The following DIAPH3 variants were observed in gnomAD, a reference collection of about 807,000 sequenced individuals.
The protein encoded by DIAPH3 is protein diaphanous homolog 3.
In DIAPH3, 117 loss-of-function variants were observed where a neutral mutation model predicts 144.3. The observed-to-expected ratio is 0.81, with a 90% CI of 0.70 to 0.95. The LOEUF is 0.95. Ranked by LOEUF, DIAPH3 falls within the 40% of genes least tolerant of loss-of-function variation. DIAPH3 has a pLI of 0.00. For synonymous variants in DIAPH3, 519 were observed against 488.9 expected, an observed-to-expected ratio of 1.06 and a Z score of -0.81; for missense variants, 1,421 against 1,412.7, an observed-to-expected ratio of 1.01 and a Z score of -0.09.
intron 25 of DIAPH3, among the ~76,000 whole-genome samples, chr13:59,788,127 C>T (rs1338006625): frequency 1.3e-5 from 2 of 152,096 alleles, no homozygotes; most frequent in African/African-American, 4.8e-5. Context: ...TGATATAATC[C>T]TCAACCTCAT....
At chr13:59,756,457 G>C (rs1390000293) in intron 27 of DIAPH3, among the ~76,000 whole-genome samples, 1 of 145,578 alleles carries the variant, frequency 6.9e-6, no homozygotes, top group African/African-American at 2.5e-5. Context: ...AGGAAGGAAG[G>C]AAGGAAGGAA....
chr13:59,879,429 T>C lies in DIAPH3; in HGVS notation c.2407A>G (p.Ile803Val), dbSNP rs776272180. 1.2e-6 allele frequency: 2 copies of C among 1,613,834 alleles called. No homozygotes were observed. Among genetic ancestry groups the C allele is most frequent in the South Asian group, 1.1e-5 (1 of 91,080 alleles). ...VKRLRPRLSA[I>V]LFKLQFEEQV... ...TCTTCAAACTGAAGCTTAAAGAGAA[T>C]AGCACTGAGCCGTGGCCGTAGTCTC... Residue 803 changes from isoleucine to valine, a missense_variant, in exon 21 of 28, where the codon ATT (isoleucine) becomes GTT (valine). By Grantham distance (29) the Ile-to-Val change is conservative. Transcript: ENST00000400324.
In DIAPH3 at chr13:59,989,406, G is replaced by A. The variant is rs1290507496; in HGVS notation, c.1361+1752C>T. ...AATTTTTTTAAGAAATTTTTTTAAA[G>A]AAATATTAACAACAACAATAATAAA... On this transcript the variant is annotated intron_variant, in intron 12 of 27. Transcript: ENST00000400324. 2.6e-5 allele frequency among the ~76,000 whole-genome samples: 4 copies of A among 151,574 alleles called. No individual in the cohort carries two copies. In the East Asian group the frequency reaches 7.7e-4, roughly 29 times the overall value.
intron 27 of DIAPH3, among the ~76,000 whole-genome samples, chr13:59,747,444 G>C (rs536105039): frequency 4.0e-4 from 61 of 152,310 alleles, no homozygotes; most frequent in Non-Finnish European, 6.8e-4. Flanking sequence ...ATCATCATGA[G>C]ATGTAACTCC....
intron 13 of DIAPH3, 148 bp from the exon 14 acceptor site, chr13:59,981,007 G>T: frequency 3.1e-6 from 2 of 648,122 alleles, no homozygotes; most frequent in Non-Finnish European, 5.1e-6. Flanking sequence ...TTATAATGTT[G>T]GAATGAAAAA....
chr13:60,146,892 T>C (rs1594778750), intron 1 of DIAPH3, among the ~76,000 whole-genome samples: 1 of 152,170 alleles, frequency 6.6e-6, no homozygotes, highest in East Asian at 1.9e-4. Context: ...TAGTGAAAAT[T>C]ACTAAGGACT....
At chr13:59,918,424 T>C (rs2047342872) in intron 18 of DIAPH3, among the ~76,000 whole-genome samples, 1 of 152,146 alleles carries the variant, frequency 6.6e-6, no homozygotes, top group African/African-American at 2.4e-5. Context: ...ACTCGAGTTC[T>C]GGCCTATATC....
intron 17 of DIAPH3, among the ~76,000 whole-genome samples, chr13:59,934,845 G>A (rs1353782471): frequency 6.6e-6 from 1 of 152,054 alleles, no homozygotes; most frequent in African/African-American, 2.4e-5. Flanking sequence ...CTGCAACCAA[G>A]CACATTAGAA....
intron 27 of DIAPH3, among the ~76,000 whole-genome samples, chr13:59,759,879 G>A (rs1024365217): frequency 2.0e-5 from 3 of 152,046 alleles, no homozygotes; most frequent in Non-Finnish European, 4.4e-5. Context: ...CCTGGGAGGC[G>A]GAGGTTGCAG....
intron 17 of DIAPH3, among the ~76,000 whole-genome samples, chr13:59,954,416 A>C (rs1466773910): frequency 6.6e-6 from 1 of 152,168 alleles, no homozygotes; most frequent in Non-Finnish European, 1.5e-5. Context: ...ATAATCAAAA[A>C]TAATGATAAA....
intron 9 of DIAPH3, among the ~76,000 whole-genome samples, chr13:59,993,743 C>T (rs9563780): frequency 0.05 from 6,348 of 127,982 alleles, 193 homozygotes; most frequent in Non-Finnish European, 0.07. Context: ...TCTACCTTTC[C>T]AGTACATGTT....
At chr13:59,790,872 C>T (rs945473244) in intron 25 of DIAPH3, among the ~76,000 whole-genome samples, 1 of 152,290 alleles carries the variant, frequency 6.6e-6, no homozygotes, top group South Asian at 2.1e-4. Context: ...CTCCCTCCCC[C>T]CGCTCCACAA....
At chr13:59,851,897 C>T (rs776603171) in intron 22 of DIAPH3, among the ~76,000 whole-genome samples, 2 of 152,074 alleles carry the variant, frequency 1.3e-5, no homozygotes, top group African/African-American at 2.4e-5. Flanking sequence ...GGATTACAGG[C>T]GTGAGCCATG....
chr13:59,892,700 C>T (rs2045881514), intron 20 of DIAPH3, among the ~76,000 whole-genome samples: 2 of 151,378 alleles, frequency 1.3e-5, no homozygotes, highest in African/African-American at 4.8e-5. Flanking sequence ...ATACTCAATC[C>T]AAAAGAAGGT....
chr13:59,779,379 A>G (rs543760811), intron 25 of DIAPH3, among the ~76,000 whole-genome samples: 1 of 152,342 alleles, frequency 6.6e-6, no homozygotes, highest in Admixed American at 6.5e-5. Context: ...ATAAATTGCT[A>G]AGTGATATAC....
At chr13:59,808,776 T>C (rs114851989) in intron 25 of DIAPH3, among the ~76,000 whole-genome samples, 13 of 152,238 alleles carry the variant, frequency 8.5e-5, no homozygotes, top group African/African-American at 3.1e-4. Context: ...TTCAGCAACA[T>C]AAAGTGAGAC....
Position 59,729,420 on chromosome 13 carries a change from T to C in DIAPH3, c.3319+44769A>G, listed in dbSNP as rs371691795. 1.5e-3 allele frequency among the ~76,000 whole-genome samples: 227 copies of C among 152,204 alleles called. 2 individuals carry two copies. The highest frequency in any genetic ancestry group is 5.3e-3 in the African/African-American group (220 of 41,534). On this transcript the variant is annotated intron_variant, in intron 27 of 27. Transcript: ENST00000400324. ...ACAGTAATTAAATAGATTAGAAAGATACCATTCAATAATTTGTACTACAGC... is the reference window on the plus strand; with the variant it reads ...ACAGTAATTAAATAGATTAGAAAGACACCATTCAATAATTTGTACTACAGC...
intron 25 of DIAPH3, among the ~76,000 whole-genome samples, chr13:59,800,122 G>A (rs544413827): frequency 5.3e-4 from 81 of 152,240 alleles, no homozygotes; most frequent in African/African-American, 9.9e-4. Context: ...ACACAAGTGC[G>A]TGTGTACACG....
At chr13:59,794,797 C>T (rs1040725689) in intron 25 of DIAPH3, among the ~76,000 whole-genome samples, 1 of 152,198 alleles carries the variant, frequency 6.6e-6, no homozygotes, top group Non-Finnish European at 1.5e-5. Flanking sequence ...GAACCAGCTA[C>T]CATGCCCAGC....
Sources: gnomAD v4.1 joint callset for allele counts (sites outside exome capture counted in the v4.1 genomes callset) on GRCh38, gnomAD v4.1.1 for gene constraint, MANE v1.5 for transcripts, NCBI Gene and HGNC (gene_info 2026-07-23, HGNC 2026-07-21) for gene names.